Variants in CPAMD8 observed in about 807,000 individuals in gnomAD.
CPAMD8 encodes the protein C3 and PZP like alpha-2-macroglobulin domain containing 8, also known as C3 and PZP-like alpha-2-macroglobulin domain-containing protein 8.
CPAMD8 carries 146 observed loss-of-function variants against 224.7 expected under a neutral mutation model. The ratio of observed to expected loss-of-function variants is 0.65; its 90% confidence interval spans 0.57 to 0.75. CPAMD8 has a LOEUF of 0.75. Among genes scored for constraint, CPAMD8 ranks in the 30% least tolerant of loss-of-function variants. The pLI, the probability that CPAMD8 is intolerant of heterozygous loss-of-function variation, is 0.00. For missense variants in CPAMD8, 2,301 were observed against 2,537.5 expected (o/e 0.91, Z 2.00); for synonymous variants, 966 against 1,044.6 (o/e 0.92, Z 1.45).
At chr19:17,009,203 A>G (rs1231244981) in intron 6 of CPAMD8, 100 bp downstream of exon 6, 2 of 1,605,010 alleles carry the variant, frequency 1.2e-6, no homozygotes. Flanking sequence ...ACAGCGGCTC[A>G]ACCCAGAAGG....
At position 16,893,015 on chromosome 19, in the gene CPAMD8, C is replaced by G. The variant is rs1269306420; in HGVS notation, c.*93G>C. 1 of 775,040 alleles carries G rather than the reference C, an allele frequency of 1.3e-6. No individual in the cohort carries two copies. The highest frequency in any genetic ancestry group is 1.4e-5 in the South Asian group (1 of 73,712). 48.0% of individuals were successfully genotyped at this position (775,040 alleles called of 1,614,324 possible). A position where few individuals can be genotyped will look rare whatever the true frequency, so the allele number is the denominator to read the frequency against. On this transcript the variant is annotated 3_prime_UTR_variant, in exon 42 of 42. Transcript: ENST00000443236. ...TGGAGTGATCATTTACCAGAGTTTT[C>G]TGAGATGTTAACCACAGGCACAAGC...
Position 16,914,786 on chromosome 19 carries a change from G to A in CPAMD8, c.3657C>T (p.Phe1219=), listed in dbSNP as rs376877732. 126 of 1,613,318 alleles carry A rather than the reference G, an allele frequency of 7.8e-5. No individual in the cohort carries two copies. In the East Asian group the frequency reaches 1.5e-3, roughly 19 times the overall value. ...CGAAGATAAAGCTGCGAGCCTGTGC[G>A]AAGGACTTCAGGACAAAGGCTGTGA... ...MWLTAFVLKS[F]AQARSFIFVD... Residue 1219 remains phenylalanine, a synonymous_variant, in exon 28 of 42, where the codon TTC becomes TTT. Coordinates refer to ENST00000443236, the MANE Select transcript of CPAMD8 (RefSeq NM_015692.5).
chr19:16,943,683 G>A (rs1298762511), intron 22 of CPAMD8, among the ~76,000 whole-genome samples: 1 of 152,178 alleles, frequency 6.6e-6, no homozygotes, highest in Non-Finnish European at 1.5e-5. Context: ...AATAGAAAGT[G>A]TATCCCTGAC....
At chr19:16,975,853 A>G in intron 16 of CPAMD8, 149 bp downstream of exon 16, 1 of 735,930 alleles carries the variant, frequency 1.4e-6, no homozygotes, top group Non-Finnish European at 2.0e-6. Context: ...GACACCCATT[A>G]GGTTCCCTGA....
chr19:16,992,526 G>A (rs995104228), intron 12 of CPAMD8, among the ~76,000 whole-genome samples: 6 of 151,958 alleles, frequency 3.9e-5, no homozygotes, highest in African/African-American at 7.3e-5. Context: ...ATCTTGGCTC[G>A]CTGCGACTTC....
intron 19 of CPAMD8, among the ~76,000 whole-genome samples, chr19:16,954,332 C>CAAAAAAAAA (rs371839176): frequency 1.1e-5 from 1 of 92,988 alleles, no homozygotes. Context: ...GACTCTATCT[C>CAAAAAAAAA]AAAAAAAAAA....
chr19:17,002,652 C>T (rs2056365753), intron 8 of CPAMD8: 1 of 252,366 alleles, frequency 4.0e-6, no homozygotes, highest in African/African-American at 2.2e-5. Flanking sequence ...CCAGGAGGCT[C>T]CTCCTAGCCC....
intron 23 of CPAMD8, among the ~76,000 whole-genome samples, chr19:16,931,445 A>G (rs113979554): frequency 8.0e-4 from 121 of 152,084 alleles, no homozygotes; most frequent in African/African-American, 2.8e-3. Context: ...AGGTTGGCCT[A>G]CCCAGCCTGT....
At position 17,022,034 on chromosome 19, in the gene CPAMD8, G is replaced by A. The variant is rs751777236; in HGVS notation, c.240C>T (p.Ile80=). The part of the protein sequence containing the change: ...GEPVVQSQGA[I]LDKGTIKLKV... The stretch of plus-strand genomic sequence containing the variant: ...TCTGGCACCCAAGGGACCTACCCAG[G>A]ATGGCTCCCTGGCTCTGCACCACCG... Residue 80 remains isoleucine (I), a synonymous_variant, in exon 2 of 42, where the codon ATC becomes ATT. Coordinates refer to ENST00000443236, the MANE Select transcript of CPAMD8 (RefSeq NM_015692.5). The A allele has an allele frequency of 7.5e-6, 12 of 1,602,310 alleles. No homozygotes were observed. Among genetic ancestry groups the A allele is most frequent in the Non-Finnish European group, 1.0e-5 (12 of 1,174,726 alleles).
chr19:16,906,846 A>G (rs2052536552), intron 30 of CPAMD8, 106 bp downstream of exon 30: 1 of 1,129,786 alleles, frequency 8.9e-7, no homozygotes. Flanking sequence ...AGTAGCTGGG[A>G]CTACATGACT....
At position 16,914,306 on chromosome 19, in the gene CPAMD8, G is replaced by A. The variant is rs1215768309; in HGVS notation, c.3861+118C>T. On this transcript the variant is annotated intron_variant, in intron 29 of 41. Transcript: ENST00000443236. ...TTGATGAAAAGCATGAAAAAGCCTCGATAATGAGCAGAAGGAGGGCAGGGA... is the reference window on the plus strand; with the variant it reads ...TTGATGAAAAGCATGAAAAAGCCTCAATAATGAGCAGAAGGAGGGCAGGGA... The A allele has an allele frequency of 1.7e-5, 13 of 757,308 alleles. No homozygotes were observed. In the Admixed American group the frequency reaches 1.9e-4, roughly 11 times the overall value. 46.9% of individuals were successfully genotyped at this position (757,308 alleles called of 1,614,324 possible).
At chr19:16,978,739 G>A (rs1599834207) in intron 14 of CPAMD8, among the ~76,000 whole-genome samples, 1 of 151,964 alleles carries the variant, frequency 6.6e-6, no homozygotes, top group African/African-American at 2.4e-5. Flanking sequence ...TTCTCTGTCT[G>A]TCTATCTATC....
chr19:16,958,012 C>T (rs1271999581), intron 18 of CPAMD8, 97 bp from the exon 19 acceptor site: 32 of 1,122,014 alleles, frequency 2.9e-5, no homozygotes, highest in Admixed American at 1.0e-4. Context: ...AGATATAACG[C>T]GTTAATTTCT....
At chr19:16,908,847 G>T (rs545458455) in intron 29 of CPAMD8, among the ~76,000 whole-genome samples, 1 of 152,268 alleles carries the variant, frequency 6.6e-6, no homozygotes, top group South Asian at 2.1e-4. Context: ...TCCATTGCCT[G>T]GGGGTGGGGG....
At position 16,899,411 on chromosome 19, in the gene CPAMD8, C is replaced by G; in HGVS notation, c.4848+64G>C. 1 of 800,016 alleles carries G rather than the reference C, an allele frequency of 1.2e-6. No homozygotes were observed. The highest frequency in any genetic ancestry group is 2.3e-6 in the Non-Finnish European group (1 of 440,332). The allele number at this position is 800,016 out of a possible 1,614,324, so 49.6% of individuals were successfully genotyped here. A position where few individuals can be genotyped will look rare whatever the true frequency, so the allele number is the denominator to read the frequency against. ...TGCAGGGAGCCACACCAGGCAGTGA[C>G]CGGTGCACCCTCACCAACATGCACA... On this transcript the variant is annotated intron_variant, in intron 37 of 41. Transcript: ENST00000443236. This position sits in a 1 kb window ranked among gnomAD's most constrained non-coding sequence, Gnocchi z 5.4.
chr19:16,895,928 CGCGCGCGT>C (rs1236282238), intron 41 of CPAMD8: 7 of 570,628 alleles, frequency 1.2e-5, no homozygotes, highest in Admixed American at 5.0e-5. Context: ...CACACACACA[CGCGCGCGT>C]GCGCCCGCGC....
chr19:16,968,437 C>T lies in CPAMD8; in HGVS notation c.2213+2454G>A, dbSNP rs2054933552. ...GAAAGATGGAGAACACTTCCATGGA[C>T]AGGCTCATCAGGGCTGGCCACCAAA... On this transcript the variant is annotated intron_variant, in intron 18 of 41. Coordinates refer to ENST00000443236, the MANE Select transcript of CPAMD8 (RefSeq NM_015692.5). Among the ~76,000 whole-genome samples the T allele has an allele frequency of 1.3e-5, 2 of 152,058 alleles. 1 individual carries two copies. The highest frequency in any genetic ancestry group is 4.1e-4 in the South Asian group (2 of 4,820).
At chr19:16,994,184 T>C (rs773507304) in intron 11 of CPAMD8, among the ~76,000 whole-genome samples, 5 of 152,220 alleles carry the variant, frequency 3.3e-5, no homozygotes, top group Non-Finnish European at 7.3e-5. Context: ...ATCACAGACC[T>C]AAATGTAACA....
chr19:16,977,546 G>A lies in CPAMD8; in HGVS notation c.1586-6C>T. 2 of 1,573,206 alleles carry A rather than the reference G, an allele frequency of 1.3e-6. No individual in the cohort carries two copies. The highest frequency in any genetic ancestry group is 8.6e-7 in the Non-Finnish European group (1 of 1,166,346). On this transcript the variant is annotated splice_polypyrimidine_tract_variant and splice_region_variant and intron_variant, in intron 14 of 41. Transcript: ENST00000443236. ...TTCTGGGGCTGGTGGGGGCTCTGAGGTGAGCAAAAGTAGAGAGAGGTGGTG... is the reference window on the plus strand; with the variant it reads ...TTCTGGGGCTGGTGGGGGCTCTGAGATGAGCAAAAGTAGAGAGAGGTGGTG...
Sources: allele counts gnomAD v4.1 joint callset (sites outside exome capture counted in the v4.1 genomes callset), GRCh38; gene constraint gnomAD v4.1.1; non-coding constraint Gnocchi (gnomAD v3.1); transcripts MANE v1.5; gene names NCBI Gene and HGNC (gene_info 2026-07-23, HGNC 2026-07-21).